SLC39A12: variants seen among roughly 807,000 people sequenced by gnomAD.
The protein encoded by SLC39A12 is solute carrier family 39 member 12.
A neutral mutation model predicts 71.1 loss-of-function variants in SLC39A12; 63 were observed. The observed-to-expected ratio is 0.89, with a 90% CI of 0.72 to 1.09. The LOEUF (loss-of-function observed/expected upper bound fraction) is 1.09. Ranked by LOEUF, SLC39A12 falls within the 50% of genes least tolerant of loss-of-function variation. The pLI, the probability that SLC39A12 is intolerant of heterozygous loss-of-function variation, is 0.00. For synonymous variants in SLC39A12, 351 were observed against 301.3 expected (o/e 1.16, Z -1.71); for missense variants, 892 against 812.6 (o/e 1.10, Z -1.19).
chr10:18,040,853 T>A (rs1473865390), intron 12 of SLC39A12, among the ~76,000 whole-genome samples: 2 of 151,728 alleles, frequency 1.3e-5, no homozygotes, highest in Admixed American at 1.3e-4. Context: ...GATAAAATAA[T>A]CTGAGTCGTT....
chr10:17,953,295 C>G lies in SLC39A12; in HGVS notation c.19C>G (p.Leu7Val). Reference sequence around the variant, plus strand: ...CGTGGAAATGTGCTTCCGGACAAAGCTCTCAGTATCCTGGGTGCCATTGTT... The same window carrying G: ...CGTGGAAATGTGCTTCCGGACAAAGGTCTCAGTATCCTGGGTGCCATTGTT... MCFRTK[L>V]SVSWVPLFLL... The change falls in exon 2 of 13, where the codon CTC (leucine) becomes GTC (valine). Residue 7 changes from leucine to valine, a missense_variant. Transcript: ENST00000377369. 1 of 1,614,098 alleles carries G rather than the reference C, an allele frequency of 6.2e-7. No individual in the cohort carries two copies. The highest frequency in any genetic ancestry group is 8.5e-7 in the Non-Finnish European group (1 of 1,180,002).
At chr10:18,029,813 AAAAAT>A (rs1414483801) in intron 12 of SLC39A12, among the ~76,000 whole-genome samples, 2 of 151,412 alleles carry the variant, frequency 1.3e-5, no homozygotes, top group African/African-American at 2.4e-5. Context: ...TTTCTAACAA[AAAAAT>A]AAAATAAATA....
chr10:18,000,890 TG>T, intron 11 of SLC39A12, 65 bp downstream of exon 11: 2 of 1,457,932 alleles, frequency 1.4e-6, no homozygotes, highest in South Asian at 2.5e-5. Context: ...TTTCCAGCTA[TG>T]GTTTACTAGG....
At chr10:18,034,558 G>T (rs1196787151) in intron 12 of SLC39A12, among the ~76,000 whole-genome samples, 27 of 150,822 alleles carry the variant, frequency 1.8e-4, no homozygotes, top group African/African-American at 6.5e-4. Flanking sequence ...CATGAGATGG[G>T]TTTCCTGAAT....
chr10:17,989,342 A>G (rs1037561644), intron 7 of SLC39A12, among the ~76,000 whole-genome samples: 1 of 152,264 alleles, frequency 6.6e-6, no homozygotes, highest in Non-Finnish European at 1.5e-5. Flanking sequence ...ATGAGTTTTA[A>G]TTGCCCTCAT....
At chr10:17,971,667 G>A (rs528520225) in intron 4 of SLC39A12, among the ~76,000 whole-genome samples, 5 of 151,978 alleles carry the variant, frequency 3.3e-5, no homozygotes, top group Non-Finnish European at 7.4e-5. Flanking sequence ...AATTTCTGCA[G>A]TATCAGTTGT....
At chr10:17,954,213 C>A (rs192051467) in intron 2 of SLC39A12, among the ~76,000 whole-genome samples, 49 of 152,220 alleles carry the variant, frequency 3.2e-4, no homozygotes, top group Non-Finnish European at 5.7e-4. Context: ...TTTTACTTGC[C>A]TGGGATAGAA....
Position 17,963,757 on chromosome 10 carries a change from T to C in SLC39A12, c.544-1726T>C, listed in dbSNP as rs79927886. 6.5e-3 allele frequency among the ~76,000 whole-genome samples: 985 copies of C among 152,294 alleles called. 15 individuals are homozygous for C. The highest frequency in any genetic ancestry group is 0.022 in the African/African-American group (931 of 41,560). On this transcript the variant is annotated intron_variant, in intron 3 of 12. Coordinates refer to ENST00000377369, the MANE Select transcript of SLC39A12 (RefSeq NM_001145195.2). ...ATGAGGTTCTGGCTCACCAGGCCCA[T>C]CATTACTTGAATTTCCAGGTCTTGG...
At chr10:17,985,146 C>T (rs1001826012) in intron 6 of SLC39A12, among the ~76,000 whole-genome samples, 1 of 152,094 alleles carries the variant, frequency 6.6e-6, no homozygotes, top group African/African-American at 2.4e-5. Flanking sequence ...AGTTCGAGAC[C>T]AGCCTGGCCA....
chr10:17,995,980 C>T (rs1835673009), intron 10 of SLC39A12, among the ~76,000 whole-genome samples: 1 of 152,152 alleles, frequency 6.6e-6, no homozygotes, highest in African/African-American at 2.4e-5. Flanking sequence ...TCAGGGGAAA[C>T]TTCAATTAAT....
chr10:17,970,674 T>TTGTGTG lies in SLC39A12; in HGVS notation c.751+5022_751+5027dup, dbSNP rs61528284. On this transcript the variant is annotated intron_variant, in intron 4 of 12. Transcript: ENST00000377369. ...GGATTTTCTTATCAGTTCTAATAGT[T>TTGTGTG]TGTGTGTGTGTGTGTGTGTGTGTGT... Among the ~76,000 whole-genome samples the TTGTGTG allele has an allele frequency of 1.1e-3, 159 of 145,516 alleles. 1 individual carries two copies. The East Asian group carries it at 0.019, about 18-fold the overall frequency.
chr10:17,952,491 C>CTTT (rs11288880), intron 1 of SLC39A12, among the ~76,000 whole-genome samples: 1 of 128,554 alleles, frequency 7.8e-6, no homozygotes, highest in Non-Finnish European at 1.6e-5. Flanking sequence ...TTTCTTTTTT[C>CTTT]TTTTTTTTTT....
intron 12 of SLC39A12, among the ~76,000 whole-genome samples, chr10:18,036,097 T>A (rs1176372907): frequency 6.6e-6 from 1 of 152,214 alleles, no homozygotes; most frequent in African/African-American, 2.4e-5. Flanking sequence ...ACTGCTGTCT[T>A]TTTGTTTGTC....
intron 12 of SLC39A12, among the ~76,000 whole-genome samples, chr10:18,038,516 GGT>G (rs1348626052): frequency 6.6e-5 from 10 of 152,088 alleles, no homozygotes; most frequent in African/African-American, 2.4e-4. Context: ...CAGGTGTGGT[GGT>G]GTGTGCCTGT....
chr10:18,032,777 G>C (rs1260583839), intron 12 of SLC39A12, among the ~76,000 whole-genome samples: 1 of 151,756 alleles, frequency 6.6e-6, no homozygotes, highest in Non-Finnish European at 1.5e-5. Context: ...TATGATATTG[G>C]CTGTGGCTTT....
rs79899558 is a variant in SLC39A12 at position 17,978,227 on chromosome 10, C to A, written c.924+153C>A. ...AGTTCCACCACGTAGTTACGGTTTT[C>A]TTTTTCTACAAGTGTATCTCTGTAG... On this transcript the variant is annotated intron_variant, in intron 5 of 12. Transcript: ENST00000377369. 3.6e-3 allele frequency among the ~76,000 whole-genome samples: 543 copies of A among 152,238 alleles called. 4 individuals are homozygous for A. The highest frequency in any genetic ancestry group is 0.013 in the African/African-American group (525 of 41,554).
At chr10:17,994,594 G>C (rs1407001264) in intron 9 of SLC39A12, among the ~76,000 whole-genome samples, 1 of 152,058 alleles carries the variant, frequency 6.6e-6, no homozygotes. Context: ...ATTACAATTA[G>C]GTTTTTGATA....
intron 12 of SLC39A12, among the ~76,000 whole-genome samples, chr10:18,034,584 G>A (rs554995835): frequency 3.3e-5 from 5 of 151,138 alleles, no homozygotes; most frequent in African/African-American, 1.2e-4. Context: ...ACACTGATGG[G>A]TCTTGACTCT....
intron 5 of SLC39A12, 76 bp downstream of exon 5, chr10:17,978,150 TGTAGAAAAC>T (rs1367152784): frequency 8.1e-6 from 10 of 1,236,340 alleles, no homozygotes; most frequent in Non-Finnish European, 1.0e-5. Flanking sequence ...TTATTAGAGT[TGTAGAAAAC>T]TTAAAGAGTA....
Sources: gnomAD v4.1 joint callset for allele counts (sites outside exome capture counted in the v4.1 genomes callset) on GRCh38, gnomAD v4.1.1 for gene constraint, MANE v1.5 for transcripts, NCBI Gene and HGNC (gene_info 2026-07-23, HGNC 2026-07-21) for gene names.